The following RTN1 variants were observed in gnomAD, a reference collection of about 807,000 sequenced individuals.
RTN1 encodes the protein reticulon-1.
RTN1 carries 25 observed loss-of-function variants against 65.5 expected under a neutral mutation model. That is an observed-to-expected ratio of 0.38 (90% CI 0.28 to 0.53). The LOEUF (loss-of-function observed/expected upper bound fraction) is 0.53. RTN1 is among the 20% of genes least tolerant of loss of function. The pLI, the probability that RTN1 is intolerant of heterozygous loss-of-function variation, is 0.79. For missense variants in RTN1, 983 were observed against 1,025.4 expected, an observed-to-expected ratio of 0.96 and a Z score of 0.57; for synonymous variants, 471 against 447.6, an observed-to-expected ratio of 1.05 and a Z score of -0.66.
chr14:59,782,587 T>C (rs187501734), intron 1 of RTN1, among the ~76,000 whole-genome samples: 2 of 152,306 alleles, frequency 1.3e-5, no homozygotes, highest in African/African-American at 4.8e-5. Flanking sequence ...CAGCTTTTTA[T>C]CCCAAGTCTC....
intron 3 of RTN1, among the ~76,000 whole-genome samples, chr14:59,622,986 G>A (rs1882297139): frequency 6.6e-6 from 1 of 152,162 alleles, no homozygotes; most frequent in South Asian, 2.1e-4. Context: ...TGTTTTGAAA[G>A]GAAAGACACA....
At chr14:59,660,618 C>T (rs963753188) in intron 3 of RTN1, among the ~76,000 whole-genome samples, 1 of 152,146 alleles carries the variant, frequency 6.6e-6, no homozygotes, top group Admixed American at 6.5e-5. Flanking sequence ...AACTGAACAA[C>T]TTGCTCCTGA....
rs200052371 is a variant in RTN1 at position 59,813,186 on chromosome 14, GT to G, written c.241+57203del. On this transcript the variant is annotated intron_variant, in intron 1 of 8. Coordinates refer to ENST00000267484, the MANE Select transcript of RTN1 (RefSeq NM_021136.3). ...GGAAGGAACATTTTGAAAATGAACAGTTGGAAATGATTTCATTATTAGATAA... is the reference window on the plus strand; with the variant it reads ...GGAAGGAACATTTTGAAAATGAACAGTGGAAATGATTTCATTATTAGATAA... Among the ~76,000 whole-genome samples the G allele has an allele frequency of 8.5e-3, 1,289 of 152,266 alleles. 12 individuals carry two copies. Among genetic ancestry groups the G allele is most frequent in the African/African-American group, 0.029 (1,225 of 41,542 alleles).
intron 3 of RTN1, among the ~76,000 whole-genome samples, chr14:59,673,494 T>C (rs1310916638): frequency 6.6e-6 from 1 of 152,192 alleles, no homozygotes; most frequent in Non-Finnish European, 1.5e-5. Context: ...AAGAATTTTA[T>C]TTAGCAACAG....
chr14:59,767,648 G>A (rs530881311), intron 1 of RTN1, among the ~76,000 whole-genome samples: 2 of 152,238 alleles, frequency 1.3e-5, no homozygotes, highest in Admixed American at 6.5e-5. Flanking sequence ...GAGAGGGGTG[G>A]GTTACTTTAG....
At chr14:59,663,552 A>T (rs908985261) in intron 3 of RTN1, among the ~76,000 whole-genome samples, 2 of 152,206 alleles carry the variant, frequency 1.3e-5, no homozygotes, top group African/African-American at 4.8e-5. Flanking sequence ...GGCAATCTAC[A>T]GAATAGGAGA....
At chr14:59,659,921 C>T (rs112795553) in intron 3 of RTN1, among the ~76,000 whole-genome samples, 1 of 150,846 alleles carries the variant, frequency 6.6e-6, no homozygotes, top group African/African-American at 2.5e-5. Context: ...GGGCTAAATG[C>T]CCCAATTAAA....
At chr14:59,692,519 T>A (rs981113606) in intron 3 of RTN1, among the ~76,000 whole-genome samples, 1 of 152,108 alleles carries the variant, frequency 6.6e-6, no homozygotes, top group African/African-American at 2.4e-5. Flanking sequence ...ATGGTATTCC[T>A]AGGAGCTACC....
At chr14:59,779,825 T>G (rs1031925767) in intron 1 of RTN1, among the ~76,000 whole-genome samples, 2 of 152,140 alleles carry the variant, frequency 1.3e-5, no homozygotes, top group Non-Finnish European at 2.9e-5. Context: ...TTATTGCTCA[T>G]AACCTCATGG....
chr14:59,732,668 GC>G (rs1449655421), intron 2 of RTN1, among the ~76,000 whole-genome samples: 2 of 152,174 alleles, frequency 1.3e-5, no homozygotes, highest in African/African-American at 4.8e-5. Flanking sequence ...TGGAGTCTTA[GC>G]AGAGCAGCTG....
chr14:59,779,229 G>T (rs1261487427), intron 1 of RTN1, among the ~76,000 whole-genome samples: 3 of 151,792 alleles, frequency 2.0e-5, no homozygotes, highest in African/African-American at 7.3e-5. Flanking sequence ...TGAGGGAGGA[G>T]TCTGGGGTAA....
intron 3 of RTN1, among the ~76,000 whole-genome samples, chr14:59,647,272 C>A (rs1882919197): frequency 6.6e-6 from 1 of 152,302 alleles, no homozygotes; most frequent in African/African-American, 2.4e-5. Flanking sequence ...CGTATGCACC[C>A]AACACAGGGA....
chr14:59,732,782 C>CCT (rs1288607811), intron 2 of RTN1, among the ~76,000 whole-genome samples: 1 of 152,160 alleles, frequency 6.6e-6, no homozygotes, highest in East Asian at 1.9e-4. Flanking sequence ...TGCACATACC[C>CCT]CTAGGAAAAG....
intron 3 of RTN1, chr14:59,630,803 T>C (rs1022067234): frequency 1.3e-5 from 13 of 1,032,064 alleles, no homozygotes; most frequent in Non-Finnish European, 1.4e-5. Context: ...TGGAGACGGG[T>C]AAAGCGGTTC....
intron 3 of RTN1, among the ~76,000 whole-genome samples, chr14:59,672,571 C>T (rs1187823942): frequency 6.7e-6 from 1 of 148,766 alleles, no homozygotes. Flanking sequence ...TTATTTATTG[C>T]ATTCATTATT....
At chr14:59,700,348 AGT>A (rs1884151848) in intron 3 of RTN1, among the ~76,000 whole-genome samples, 1 of 152,164 alleles carries the variant, frequency 6.6e-6, no homozygotes, top group South Asian at 2.1e-4. Context: ...GTACAAGCTA[AGT>A]GTCTTTCAGA....
intron 1 of RTN1, among the ~76,000 whole-genome samples, chr14:59,753,445 A>G (rs1163907919): frequency 6.6e-6 from 1 of 152,206 alleles, no homozygotes; most frequent in African/African-American, 2.4e-5. Context: ...ATCGTATTAG[A>G]ATCATCATAA....
chr14:59,810,568 A>G (rs1886711168), intron 1 of RTN1, among the ~76,000 whole-genome samples: 1 of 152,178 alleles, frequency 6.6e-6, no homozygotes. Context: ...TCTCCACATC[A>G]AGGAGCTCAT....
chr14:59,626,961 C>G (rs1251006317), intron 3 of RTN1, among the ~76,000 whole-genome samples: 1 of 152,146 alleles, frequency 6.6e-6, no homozygotes, highest in Non-Finnish European at 1.5e-5. Context: ...GAAAATATCT[C>G]AGATGAGGTA....
Sources: gnomAD v4.1 joint callset for allele counts (sites outside exome capture counted in the v4.1 genomes callset) on GRCh38, gnomAD v4.1.1 for gene constraint, MANE v1.5 for transcripts, NCBI Gene and HGNC (gene_info 2026-07-23, HGNC 2026-07-21) for gene names.